CCNT2: variants seen among roughly 807,000 people sequenced by gnomAD.
The protein encoded by CCNT2 is cyclin T2.
A neutral mutation model predicts 70.0 loss-of-function variants in CCNT2; 18 were observed. That is an observed-to-expected ratio of 0.26 (90% CI 0.18 to 0.38). CCNT2 has a LOEUF of 0.38. CCNT2 is among the 10% of genes least tolerant of loss of function. The pLI, the probability that CCNT2 is intolerant of heterozygous loss-of-function variation, is 1.00. For synonymous variants in CCNT2, 334 were observed against 313.3 expected (o/e 1.07, Z -0.70); for missense variants, 734 against 890.2 (o/e 0.82, Z 2.23).
Position 134,918,861 on chromosome 2 carries a change from T to C in CCNT2, c.7T>C (p.Ser3Pro). ...GGGCGGAGGAGGAAGTGTCATGGCG[T>C]CGGGCCGTGGAGCTTCTTCTCGCTG... Reference protein sequence around the residue: MASGRGASSRWFF... With the variant: MAPGRGASSRWFF... Residue 3 changes from serine (S) to proline (P), a missense_variant, in exon 1 of 9, where the codon TCG (serine) becomes CCG (proline). By Grantham distance (74) the Ser-to-Pro change is moderately conservative. Transcript: ENST00000264157. The C allele has an allele frequency of 6.2e-7, 1 of 1,612,694 alleles. No individual in the cohort carries two copies. Among genetic ancestry groups the C allele is most frequent in the South Asian group, 1.1e-5 (1 of 90,954 alleles).
In CCNT2 at chr2:134,953,906, T is replaced by C; in HGVS notation, c.1451T>C (p.Met484Thr). 1 of 1,613,486 alleles carries C rather than the reference T, an allele frequency of 6.2e-7. No homozygotes were observed. The highest frequency in any genetic ancestry group is 8.5e-7 in the Non-Finnish European group (1 of 1,179,890). ...AGTTCTGTTACTTCTCCCATTAAAATGAAAATACCTATCGCAAATACTGAA... is the reference window on the plus strand; with the variant it reads ...AGTTCTGTTACTTCTCCCATTAAAACGAAAATACCTATCGCAAATACTGAA... ...SSSSVTSPIK[M>T]KIPIANTEKY... Residue 484 changes from methionine to threonine, a missense_variant, in exon 9 of 9, where the codon ATG (methionine) becomes ACG (threonine). Met to Thr is a moderately conservative substitution (Grantham distance 81). Around this residue, in one of 3 missense-constraint regions of CCNT2, gnomAD observed 532 missense variants for 556.9 expected, o/e 0.96. Coordinates refer to ENST00000264157, the MANE Select transcript of CCNT2 (RefSeq NM_058241.3).
intron 2 of CCNT2, among the ~76,000 whole-genome samples, chr2:134,928,345 C>G (rs1394125010): frequency 1.4e-5 from 2 of 139,684 alleles, no homozygotes; most frequent in African/African-American, 5.4e-5. Flanking sequence ...ATGGCGCGAT[C>G]TCGGCTCACC....
chr2:134,950,140 A>C (rs1682355978), intron 7 of CCNT2, among the ~76,000 whole-genome samples: 1 of 152,192 alleles, frequency 6.6e-6, no homozygotes, highest in South Asian at 2.1e-4. Context: ...GTGCTGAAGT[A>C]AAAAGATCAC....
At chr2:134,922,383 A>G (rs1679978094) in intron 2 of CCNT2, among the ~76,000 whole-genome samples, 1 of 152,194 alleles carries the variant, frequency 6.6e-6, no homozygotes, top group South Asian at 2.1e-4. Context: ...TGACATATTA[A>G]AAGTTTTAAA....
rs555491013 is a variant in CCNT2 at position 134,954,732 on chromosome 2, T to A, written c.*84T>A. On this transcript the variant is annotated 3_prime_UTR_variant, in exon 9 of 9. Coordinates refer to ENST00000264157, the MANE Select transcript of CCNT2 (RefSeq NM_058241.3). ...AAAATTCCTTCTGATCTAGCAGTGG[T>A]AACCCCTGCTGTTGCTGCCACTGCT... 130 of 820,052 alleles carry A rather than the reference T, an allele frequency of 1.6e-4. 1 individual carries two copies. In the South Asian group the frequency reaches 2.0e-3, roughly 13 times the overall value. The allele number at this position is 820,052 out of a possible 1,614,324, so 50.8% of individuals were successfully genotyped here. A position where few individuals can be genotyped will look rare whatever the true frequency, so the allele number is the denominator to read the frequency against.
At chr2:134,950,257 T>TA (rs1452677698) in intron 7 of CCNT2, among the ~76,000 whole-genome samples, 1 of 152,210 alleles carries the variant, frequency 6.6e-6, no homozygotes, top group African/African-American at 2.4e-5. Context: ...TTCTGAAAAG[T>TA]AAAGTTTGTT....
rs570199708 is a variant in CCNT2 at position 134,952,956 on chromosome 2, G to A, written c.774+245G>A. The A allele has an allele frequency of 8.4e-6, 4 of 478,800 alleles. No homozygotes were observed. In the East Asian group the frequency reaches 1.0e-4, roughly 12 times the overall value. The allele number at this position is 478,800 out of a possible 1,614,324, so 29.7% of individuals were successfully genotyped here. A position where few individuals can be genotyped will look rare whatever the true frequency, so the allele number is the denominator to read the frequency against. On this transcript the variant is annotated intron_variant, in intron 8 of 8. Transcript: ENST00000264157. ...AGTATCCTCTTCATTTTACAAATGG[G>A]GAAACTGAAGCCTAGACAAGTTAAA...
At chr2:134,935,756 T>C (rs1421311574) in intron 2 of CCNT2, among the ~76,000 whole-genome samples, 3 of 152,196 alleles carry the variant, frequency 2.0e-5, no homozygotes, top group African/African-American at 7.2e-5. Context: ...TTAGTATCTT[T>C]GTAGTGCTTG....
chr2:134,921,751 A>T (rs1158529382), intron 2 of CCNT2, among the ~76,000 whole-genome samples: 1 of 152,198 alleles, frequency 6.6e-6, no homozygotes, highest in Non-Finnish European at 1.5e-5. Flanking sequence ...CAGAATTCAC[A>T]ACTTTAGATT....
chr2:134,919,235 CTGTT>C (rs1274978974), intron 1 of CCNT2, among the ~76,000 whole-genome samples: 2 of 152,116 alleles, frequency 1.3e-5, no homozygotes, highest in African/African-American at 2.4e-5. Context: ...GTTGTGTAAT[CTGTT>C]TGGGGCAGCG....
At chr2:134,944,715 C>T in intron 5 of CCNT2, 1 of 983,644 alleles carries the variant, frequency 1.0e-6, no homozygotes, top group African/African-American at 1.7e-5. Flanking sequence ...GAATATATCT[C>T]ACTCCATTTT....
At position 134,919,802 on chromosome 2, in the gene CCNT2, C is replaced by G; in HGVS notation, c.159-8C>G. 6.3e-7 allele frequency: 1 copy of G among 1,594,962 alleles called. No homozygotes were observed. Among genetic ancestry groups the G allele is most frequent in the Non-Finnish European group, 8.6e-7 (1 of 1,167,282 alleles). ...TTTGTCAGATATTTCCTAAATATTA[C>G]GTTCCAGCTCTCAGCTTACAATAAA... On this transcript the variant is annotated splice_region_variant and splice_polypyrimidine_tract_variant and intron_variant, in intron 1 of 8. Transcript: ENST00000264157.
chr2:134,935,806 C>G (rs1324052603), intron 2 of CCNT2, among the ~76,000 whole-genome samples: 1 of 150,828 alleles, frequency 6.6e-6, no homozygotes, highest in Non-Finnish European at 1.5e-5. Context: ...ATTTACTAAG[C>G]TAAAAAAAAA....
intron 3 of CCNT2, 32 bp downstream of exon 3, chr2:134,937,001 T>C (rs753043001): frequency 1.3e-6 from 2 of 1,546,602 alleles, no homozygotes; most frequent in Non-Finnish European, 1.8e-6. Context: ...TATTTTTCTT[T>C]GTAAATTTGA....
At chr2:134,923,175 G>A (rs1285157530) in intron 2 of CCNT2, among the ~76,000 whole-genome samples, 1 of 152,134 alleles carries the variant, frequency 6.6e-6, no homozygotes, top group African/African-American at 2.4e-5. Flanking sequence ...CAGCTACTGG[G>A]GAGGCTGAGG....
chr2:134,931,795 T>A (rs532828240), intron 2 of CCNT2, among the ~76,000 whole-genome samples: 40 of 152,262 alleles, frequency 2.6e-4, no homozygotes, highest in African/African-American at 9.1e-4. Flanking sequence ...AGAAGGGATC[T>A]CACTCTGTTG....
intron 4 of CCNT2, among the ~76,000 whole-genome samples, chr2:134,939,710 C>T (rs573077651): frequency 6.6e-6 from 1 of 152,282 alleles, no homozygotes; most frequent in African/African-American, 2.4e-5. Flanking sequence ...AGGGAATCTG[C>T]CCACTTTGGC....
At chr2:134,946,765 T>C (rs923317880) in intron 6 of CCNT2, among the ~76,000 whole-genome samples, 18 of 151,940 alleles carry the variant, frequency 1.2e-4, no homozygotes, top group African/African-American at 4.1e-4. Context: ...GCTGAACAGA[T>C]AACATTTCCA....
rs1682886738 is a variant in CCNT2, at chr2:134,955,808, C to A, written c.*1160C>A. 7.0e-6 allele frequency: 1 copy of A among 143,864 alleles called. No individual in the cohort carries two copies. The highest frequency in any genetic ancestry group is 2.5e-5 in the African/African-American group (1 of 40,204). The allele number at this position is 143,864 out of a possible 1,614,324, so 8.9% of individuals were successfully genotyped here. ...TGCTCTCAATTCTTTTATATTCTAA[C>A]AATAAATAAAAAAGAAAAGATTACT... On this transcript the variant is annotated 3_prime_UTR_variant, in exon 9 of 9. Transcript: ENST00000264157.
Sources: allele counts gnomAD v4.1 joint callset (sites outside exome capture counted in the v4.1 genomes callset), GRCh38; gene constraint gnomAD v4.1.1; regional missense constraint gnomAD v4.1.1; transcripts MANE v1.5; gene names NCBI Gene and HGNC (gene_info 2026-07-23, HGNC 2026-07-21).